Variants in CDH20 observed in about 807,000 individuals in gnomAD.
CDH20 encodes cadherin 20.
Under a neutral mutation model 74.2 loss-of-function variants are expected in CDH20, and 29 were observed. The ratio of observed to expected loss-of-function variants is 0.39; its 90% CI spans 0.29 to 0.53. The LOEUF (loss-of-function observed/expected upper bound fraction) is 0.53, where lower values mean the gene tolerates loss of function less well. Among genes scored for constraint, CDH20 ranks in the 20% least tolerant of loss-of-function variants. The pLI is 0.69. For synonymous variants in CDH20, 469 were observed against 405.4 expected, an observed-to-expected ratio of 1.16 and a Z score of -1.88; for missense variants, 988 against 1,048.3, an observed-to-expected ratio of 0.94 and a Z score of 0.79.
intron 1 of CDH20, among the ~76,000 whole-genome samples, chr18:61,449,763 A>T (rs192299101): frequency 1.9e-3 from 292 of 150,750 alleles, no homozygotes; most frequent in African/African-American, 5.6e-3. Context: ...AATAGAAAAA[A>T]ATATATATAT....
intron 6 of CDH20, among the ~76,000 whole-genome samples, chr18:61,508,902 G>T (rs1654768959): frequency 6.6e-6 from 1 of 152,208 alleles, no homozygotes; most frequent in Non-Finnish European, 1.5e-5. Flanking sequence ...CTCCCAAAGT[G>T]CTGGGATTAC....
intron 1 of CDH20, among the ~76,000 whole-genome samples, chr18:61,339,969 C>T (rs555264097): frequency 1.3e-5 from 2 of 152,150 alleles, no homozygotes; most frequent in East Asian, 3.9e-4. Context: ...GGATTACAGG[C>T]GTGAGCCACT....
At chr18:61,491,712 ATC>A (rs1255043943) in intron 2 of CDH20, among the ~76,000 whole-genome samples, 3 of 152,096 alleles carry the variant, frequency 2.0e-5, no homozygotes, top group Non-Finnish European at 4.4e-5. Flanking sequence ...TAACCCAGGT[ATC>A]TGGCTTTGGT....
intron 1 of CDH20, among the ~76,000 whole-genome samples, chr18:61,342,963 T>C (rs964893255): frequency 7.2e-5 from 11 of 152,160 alleles, no homozygotes; most frequent in African/African-American, 2.7e-4. Context: ...GATCAGGGGA[T>C]TGCCATGTTT....
intron 1 of CDH20, among the ~76,000 whole-genome samples, chr18:61,460,978 A>G (rs920552783): frequency 3.3e-5 from 5 of 152,166 alleles, no homozygotes; most frequent in African/African-American, 9.6e-5. Flanking sequence ...AGTACTAAAG[A>G]ATTATATGAC....
At chr18:61,519,970 G>T (rs1912137331) in intron 6 of CDH20, among the ~76,000 whole-genome samples, 1 of 149,390 alleles carries the variant, frequency 6.7e-6, no homozygotes, top group Non-Finnish European at 1.5e-5. Context: ...AAAAAAAGTA[G>T]GGGTTGCAAT....
chr18:61,503,366 C>A (rs1476450170), intron 5 of CDH20, among the ~76,000 whole-genome samples: 2 of 152,180 alleles, frequency 1.3e-5, no homozygotes, highest in African/African-American at 4.8e-5. Flanking sequence ...TCTTTTTAGA[C>A]TTTCTTTCCT....
intron 1 of CDH20, among the ~76,000 whole-genome samples, chr18:61,352,541 C>T (rs1365381145): frequency 6.6e-6 from 1 of 152,158 alleles, no homozygotes; most frequent in Non-Finnish European, 1.5e-5. Flanking sequence ...CATTCAGTAC[C>T]TGGATCACCG....
intron 1 of CDH20, among the ~76,000 whole-genome samples, chr18:61,453,446 C>G (rs1354683600): frequency 2.0e-5 from 3 of 151,994 alleles, no homozygotes; most frequent in Non-Finnish European, 4.4e-5. Flanking sequence ...CCCAGCTAAT[C>G]TTTTGTGTGT....
At chr18:61,481,820 G>C (rs1432676125) in intron 1 of CDH20, among the ~76,000 whole-genome samples, 4 of 152,034 alleles carry the variant, frequency 2.6e-5, no homozygotes, top group Admixed American at 6.6e-5. Context: ...AAAGTGCTAG[G>C]ATTACAAGTA....
At chr18:61,375,569 A>G (rs896192590) in intron 1 of CDH20, among the ~76,000 whole-genome samples, 9 of 152,116 alleles carry the variant, frequency 5.9e-5, no homozygotes, top group African/African-American at 1.9e-4. Context: ...AAGCCGTTTC[A>G]TTCTTCAGTA....
intron 10 of CDH20, among the ~76,000 whole-genome samples, chr18:61,547,639 C>A (rs564841872): frequency 6.6e-6 from 1 of 152,156 alleles, no homozygotes; most frequent in African/African-American, 2.4e-5. Flanking sequence ...AGCAAATGGC[C>A]CAAGACCAGA....
intron 1 of CDH20, among the ~76,000 whole-genome samples, chr18:61,360,509 G>A (rs1002866506): frequency 3.9e-5 from 6 of 152,122 alleles, no homozygotes; most frequent in African/African-American, 1.4e-4. Context: ...GTGTGTAAAG[G>A]AAGAGCCCAG....
intron 1 of CDH20, among the ~76,000 whole-genome samples, chr18:61,425,210 G>A (rs12962653): frequency 0.02 from 3,013 of 152,266 alleles, 94 homozygotes; most frequent in East Asian, 0.12. Flanking sequence ...AGAGGCTTAT[G>A]TCAGACCATA....
At chr18:61,339,701 T>TTTTC (rs1555669184) in intron 1 of CDH20, among the ~76,000 whole-genome samples, 5,700 of 122,824 alleles carry the variant, frequency 0.046, 407 homozygotes, top group African/African-American at 0.14. Flanking sequence ...TTTTTTTTTT[T>TTTTC]TTTTGAGATG....
At chr18:61,517,002 A>C (rs1912023193) in intron 6 of CDH20, among the ~76,000 whole-genome samples, 1 of 152,204 alleles carries the variant, frequency 6.6e-6, no homozygotes, top group Non-Finnish European at 1.5e-5. Flanking sequence ...GTAATAATTA[A>C]AAACTCACGC....
chr18:61,406,193 G>A (rs1912324393), intron 1 of CDH20, among the ~76,000 whole-genome samples: 1 of 152,080 alleles, frequency 6.6e-6, no homozygotes, highest in Non-Finnish European at 1.5e-5. Flanking sequence ...GTTCAAGTAT[G>A]AAGGTGAATT....
chr18:61,530,954 A>C (rs1010572665), intron 7 of CDH20, among the ~76,000 whole-genome samples: 5 of 152,224 alleles, frequency 3.3e-5, no homozygotes, highest in Non-Finnish European at 7.3e-5. Context: ...GGCTCTGGGC[A>C]GCTTTGTACC....
chr18:61,369,213 A>G (rs1440899800), intron 1 of CDH20, among the ~76,000 whole-genome samples: 1 of 152,156 alleles, frequency 6.6e-6, no homozygotes, highest in Non-Finnish European at 1.5e-5. Flanking sequence ...TGAGGTTCAG[A>G]AAACTTGCGT....
Sources: allele counts gnomAD v4.1 joint callset (sites outside exome capture counted in the v4.1 genomes callset), GRCh38; gene constraint gnomAD v4.1.1; transcripts MANE v1.5; gene names NCBI Gene and HGNC (gene_info 2026-07-23, HGNC 2026-07-21).